SCN2B: variants seen among roughly 807,000 people sequenced by gnomAD.
SCN2B encodes the protein sodium channel regulatory subunit beta-2.
Under a neutral mutation model 18.2 loss-of-function variants are expected in SCN2B, and 14 were observed. That is an observed-to-expected ratio of 0.77 (90% CI 0.51 to 1.21). SCN2B has a LOEUF of 1.21. Ranked by LOEUF, SCN2B falls within the 50% of genes most tolerant of loss-of-function variation. SCN2B has a pLI of 0.00. For synonymous variants in SCN2B, 115 were observed against 115.3 expected, an observed-to-expected ratio of 1.00 and a Z score of 0.02; for missense variants, 262 against 286.9, an observed-to-expected ratio of 0.91 and a Z score of 0.63.
chr11:118,171,068 T>G (rs766112382), intron 1 of SCN2B, among the ~76,000 whole-genome samples: 5 of 151,752 alleles, frequency 3.3e-5, no homozygotes, highest in Non-Finnish European at 7.4e-5. Context: ...CTGGCCCGAG[T>G]GACCAGGGCA....
At chr11:118,170,572 G>A (rs1270360374) in intron 1 of SCN2B, among the ~76,000 whole-genome samples, 4 of 152,160 alleles carry the variant, frequency 2.6e-5, no homozygotes, top group Admixed American at 2.0e-4. Context: ...TCCCTGCAGG[G>A]TTGGGGAGTA....
chr11:118,168,003 C>T lies in SCN2B; in HGVS notation c.448+82G>A. 8 of 1,231,390 alleles carry T rather than the reference C, an allele frequency of 6.5e-6. No homozygotes were observed. Among genetic ancestry groups the T allele is most frequent in the Non-Finnish European group, 9.4e-6 (8 of 853,178 alleles). 76.3% of individuals were successfully genotyped at this position (1,231,390 alleles called of 1,614,324 possible). A position where few individuals can be genotyped will look rare whatever the true frequency, so the allele number is the denominator to read the frequency against. On this transcript the variant is annotated intron_variant, in intron 3 of 3. Transcript: ENST00000278947. The surrounding 1 kb of genome is among the most constrained non-coding windows in gnomAD (Gnocchi z 4.7). ...CCCATCCTCAGGAGGGCCTGGCCTCCCCAAAGTGCCCTGAGCAAATGCCGC... is the reference window on the plus strand; with the variant it reads ...CCCATCCTCAGGAGGGCCTGGCCTCTCCAAAGTGCCCTGAGCAAATGCCGC...
At chr11:118,167,560 CTGT>C (rs1012279154) in intron 3 of SCN2B, among the ~76,000 whole-genome samples, 5 of 152,136 alleles carry the variant, frequency 3.3e-5, no homozygotes, top group East Asian at 1.9e-4. Flanking sequence ...ATTATTATTG[CTGT>C]TGTTGTCATT....
chr11:118,175,661 A>G (rs1008399636), intron 1 of SCN2B, among the ~76,000 whole-genome samples: 2 of 152,168 alleles, frequency 1.3e-5, no homozygotes, highest in African/African-American at 4.8e-5. Context: ...GGCAGTTCTG[A>G]GGCTGGATTT....
chr11:118,170,357 G>C (rs1387966957), intron 1 of SCN2B, among the ~76,000 whole-genome samples: 1 of 152,208 alleles, frequency 6.6e-6, no homozygotes, highest in Non-Finnish European at 1.5e-5. Flanking sequence ...TTTTGAGCGA[G>C]TCGAGTTCCC....
Position 118,174,094 on chromosome 11 carries a change from T to TTG in SCN2B, c.70+2267_70+2268insCA, listed in dbSNP as rs1434488770. On this transcript the variant is annotated intron_variant, in intron 1 of 3. Transcript: ENST00000278947. Reference sequence around the variant, plus strand: ...ATGCCTGGCTTATTTTTCTTTTCTTTTTTTTTTTTTTTTTTTTTTTTTTTT... The same window carrying TTG: ...ATGCCTGGCTTATTTTTCTTTTCTTTTGTTTTTTTTTTTTTTTTTTTTTTTTT... Among the ~76,000 whole-genome samples, 9 of 111,674 alleles carry TTG rather than the reference T, an allele frequency of 8.1e-5. 1 individual carries two copies. Among genetic ancestry groups the TTG allele is most frequent in the African/African-American group, 2.7e-4 (7 of 26,260 alleles). 73.3% of individuals were successfully genotyped at this position (111,674 alleles called of 152,430 possible). A position where few individuals can be genotyped will look rare whatever the true frequency, so the allele number is the denominator to read the frequency against.
intron 1 of SCN2B, among the ~76,000 whole-genome samples, chr11:118,169,425 G>A (rs1948412687): frequency 6.6e-6 from 1 of 152,242 alleles, no homozygotes; most frequent in Middle Eastern, 3.4e-3. Flanking sequence ...TGAAACTGCA[G>A]GGCTCCCCTG....
Position 118,168,506 on chromosome 11 carries a change from G to A in SCN2B, c.237+79C>T. 1 of 1,584,190 alleles carries A rather than the reference G, an allele frequency of 6.3e-7. No homozygotes were observed. Among genetic ancestry groups the A allele is most frequent in the Non-Finnish European group, 8.7e-7 (1 of 1,154,314 alleles). On this transcript the variant is annotated intron_variant, in intron 2 of 3. Coordinates refer to ENST00000278947, the MANE Select transcript of SCN2B (RefSeq NM_004588.5). This position sits in a 1 kb window ranked among gnomAD's most constrained non-coding sequence, Gnocchi z 4.7. ...CTCTGGGGCCCTAGCGCAGTGCCGG[G>A]GCCGGTGGTGGGACCAGGGGCTTCA...
At chr11:118,173,097 C>T (rs1006453197) in intron 1 of SCN2B, among the ~76,000 whole-genome samples, 1 of 152,070 alleles carries the variant, frequency 6.6e-6, no homozygotes, top group Non-Finnish European at 1.5e-5. Flanking sequence ...CATCACTCCT[C>T]ACCTCCAGAC....
intron 1 of SCN2B, among the ~76,000 whole-genome samples, chr11:118,172,206 A>G (rs1948435518): frequency 2.6e-5 from 4 of 152,268 alleles, no homozygotes; most frequent in Admixed American, 2.6e-4. Context: ...AAAGGACTTC[A>G]TCACAGCCAC....
At position 118,165,253 on chromosome 11, in the gene SCN2B, C is replaced by T. The variant is rs1243934837; in HGVS notation, c.*1634G>A. On this transcript the variant is annotated 3_prime_UTR_variant, in exon 4 of 4. Transcript: ENST00000278947. Reference sequence around the variant, plus strand: ...TTGCTTCAAACTGGAGACTGAGGAGCCAGAGAAGAGGGCAGGACCCTCAGT... The same window carrying T: ...TTGCTTCAAACTGGAGACTGAGGAGTCAGAGAAGAGGGCAGGACCCTCAGT... 6.6e-6 allele frequency: 1 copy of T among 152,602 alleles called. No homozygotes were observed. The highest frequency in any genetic ancestry group is 2.4e-5 in the African/African-American group (1 of 41,430). The allele number at this position is 152,602 out of a possible 1,614,324, so 9.5% of individuals were successfully genotyped here. A position where few individuals can be genotyped will look rare whatever the true frequency, so the allele number is the denominator to read the frequency against.
rs1948403453 is a variant in SCN2B, at chr11:118,168,379, A to C, written c.238-84T>G. ...GTGAGGATGCCCCCTCTTCCCATCC[A>C]CCCTTTTCCTGGGGAAGAGAGGCAG... On this transcript the variant is annotated intron_variant, in intron 2 of 3. Transcript: ENST00000278947. This position sits in a 1 kb window ranked among gnomAD's most constrained non-coding sequence, Gnocchi z 4.7. 3 of 1,368,458 alleles carry C rather than the reference A, an allele frequency of 2.2e-6. No homozygotes were observed. The highest frequency in any genetic ancestry group is 3.1e-6 in the Non-Finnish European group (3 of 958,586). The allele number at this position is 1,368,458 out of a possible 1,614,324, so 84.8% of individuals were successfully genotyped here.
chr11:118,171,861 G>T (rs1948433918), intron 1 of SCN2B, among the ~76,000 whole-genome samples: 1 of 152,222 alleles, frequency 6.6e-6, no homozygotes, highest in South Asian at 2.1e-4. Context: ...ATGGGATCCG[G>T]AGCCACAGCT....
At position 118,167,959 on chromosome 11, in the gene SCN2B, T is replaced by C. The variant is rs374657297; in HGVS notation, c.448+126A>G. On this transcript the variant is annotated intron_variant, in intron 3 of 3. Transcript: ENST00000278947. ...GAGGGAAGAAAATGGATTCCTTCTATGCAGCACAAATGGTTGCTCCCATCC... is the reference window on the plus strand; with the variant it reads ...GAGGGAAGAAAATGGATTCCTTCTACGCAGCACAAATGGTTGCTCCCATCC... The C allele has an allele frequency of 5.0e-5, 38 of 764,084 alleles. No individual in the cohort carries two copies. The African/African-American group carries it at 5.0e-4, about 10-fold the overall frequency. The allele number at this position is 764,084 out of a possible 1,614,324, so 47.3% of individuals were successfully genotyped here. A position where few individuals can be genotyped will look rare whatever the true frequency, so the allele number is the denominator to read the frequency against.
At chr11:118,173,566 G>A (rs146004010) in intron 1 of SCN2B, among the ~76,000 whole-genome samples, 1 of 152,300 alleles carries the variant, frequency 6.6e-6, no homozygotes, top group East Asian at 1.9e-4. Context: ...GCTGTCGAAG[G>A]ATTAAATGAC....
chr11:118,174,125 A>G (rs1478323409), intron 1 of SCN2B, among the ~76,000 whole-genome samples: 3 of 54,702 alleles, frequency 5.5e-5, no homozygotes, highest in Non-Finnish European at 7.8e-5. Context: ...TTTTTTGTAG[A>G]GACAGGGTCT....
intron 1 of SCN2B, among the ~76,000 whole-genome samples, chr11:118,169,728 G>A (rs1207012121): frequency 2.6e-5 from 4 of 152,172 alleles, no homozygotes; most frequent in African/African-American, 9.7e-5. Context: ...AGGCAGGGTG[G>A]GAGCTGCTGG....
chr11:118,168,468 C>T lies in SCN2B; in HGVS notation c.237+117G>A. ...TTTCAAGAGCCTCCAGAGCACGCAG[C>T]CCACCCAGGGTCCTCTGGGGCCCTA... is the stretch of plus-strand genomic sequence containing the variant. On this transcript the variant is annotated intron_variant, in intron 2 of 3. Transcript: ENST00000278947. This position sits in a 1 kb window ranked among gnomAD's most constrained non-coding sequence, Gnocchi z 4.7. The T allele has an allele frequency of 1.4e-6, 2 of 1,434,716 alleles. No individual in the cohort carries two copies. The highest frequency in any genetic ancestry group is 2.0e-6 in the Non-Finnish European group (2 of 1,019,126). The allele number at this position is 1,434,716 out of a possible 1,614,324, so 88.9% of individuals were successfully genotyped here.
chr11:118,167,373 G>C (rs559550421), intron 3 of SCN2B, among the ~76,000 whole-genome samples: 5 of 152,200 alleles, frequency 3.3e-5, no homozygotes, highest in East Asian at 1.9e-4. Flanking sequence ...CTTACGAATT[G>C]CGTGACCTTA....
Sources: allele counts gnomAD v4.1 joint callset (sites outside exome capture counted in the v4.1 genomes callset), GRCh38; gene constraint gnomAD v4.1.1; non-coding constraint Gnocchi (gnomAD v3.1); transcripts MANE v1.5; gene names NCBI Gene and HGNC (gene_info 2026-07-23, HGNC 2026-07-21).